Variants in PDE4D observed in about 807,000 individuals in gnomAD.
PDE4D encodes 3',5'-cyclic-AMP phosphodiesterase 4D.
Under a neutral mutation model 87.4 loss-of-function variants are expected in PDE4D, and 24 were observed. That is an observed-to-expected ratio of 0.27 (90% confidence interval 0.20 to 0.39). The LOEUF (loss-of-function observed/expected upper bound fraction) is 0.39. PDE4D is among the 10% of genes least tolerant of loss of function. The pLI is 1.00. For synonymous variants in PDE4D, 384 were observed against 383.2 expected (o/e 1.00, Z -0.02); for missense variants, 714 against 1,041.0 (o/e 0.69, Z 4.32).
intron 5 of PDE4D, among the ~76,000 whole-genome samples, chr5:59,053,358 TACATACACACAC>T (rs1336763026): frequency 9.6e-6 from 1 of 103,636 alleles, no homozygotes; most frequent in Non-Finnish European, 1.8e-5. Context: ...ATAATGGGTG[TACATACACACAC>T]ACACACACAC....
At chr5:60,356,802 G>A (rs778329839) in intron 1 of PDE4D, among the ~76,000 whole-genome samples, 1 of 152,104 alleles carries the variant, frequency 6.6e-6, no homozygotes. Flanking sequence ...TTTGATTAAC[G>A]GTATATATCA....
At chr5:59,723,447 A>G (rs57112846) in intron 1 of PDE4D, among the ~76,000 whole-genome samples, 4,621 of 152,266 alleles carry the variant, frequency 0.03, 233 homozygotes, top group African/African-American at 0.11. Flanking sequence ...TGCTCAAGAA[A>G]TACGGACTAT....
intron 1 of PDE4D, among the ~76,000 whole-genome samples, chr5:59,232,355 C>T (rs1428922678): frequency 6.6e-6 from 1 of 151,822 alleles, no homozygotes; most frequent in Non-Finnish European, 1.5e-5. Context: ...ATAATCCCAT[C>T]AAAAAGTGGA....
chr5:59,757,846 AC>A (rs1337653185), intron 1 of PDE4D, among the ~76,000 whole-genome samples: 1 of 152,022 alleles, frequency 6.6e-6, no homozygotes, highest in Admixed American at 6.6e-5. Context: ...TTCTCCATTG[AC>A]CCCTTTTCAC....
At chr5:60,041,313 T>C (rs1343034916) in intron 2 of PDE4D, among the ~76,000 whole-genome samples, 2 of 151,836 alleles carry the variant, frequency 1.3e-5, no homozygotes, top group African/African-American at 4.8e-5. Context: ...CCATTTCTCT[T>C]GAGAAAAAAA....
intron 1 of PDE4D, among the ~76,000 whole-genome samples, chr5:59,775,244 T>A (rs912164104): frequency 3.3e-5 from 5 of 152,120 alleles, no homozygotes; most frequent in African/African-American, 1.2e-4. Context: ...TATTTCTGGG[T>A]TTTATTTCAG....
At chr5:60,257,788 CAGA>C (rs1749248569) in intron 1 of PDE4D, among the ~76,000 whole-genome samples, 1 of 151,886 alleles carries the variant, frequency 6.6e-6, no homozygotes, top group Non-Finnish European at 1.5e-5. Context: ...AGGATGTCTG[CAGA>C]AGGATGCCAA....
At chr5:59,358,359 T>C (rs1781717878) in intron 1 of PDE4D, among the ~76,000 whole-genome samples, 1 of 152,116 alleles carries the variant, frequency 6.6e-6, no homozygotes, top group Admixed American at 6.5e-5. Flanking sequence ...CAACTTGCAA[T>C]ATTGTAACGC....
At chr5:59,589,862 G>C (rs964040864) in intron 1 of PDE4D, among the ~76,000 whole-genome samples, 4 of 152,138 alleles carry the variant, frequency 2.6e-5, no homozygotes, top group Non-Finnish European at 5.9e-5. Flanking sequence ...TATTTTTAAA[G>C]TGAATTTTCG....
chr5:59,046,981 T>G (rs1192515505), intron 5 of PDE4D, among the ~76,000 whole-genome samples: 1 of 152,208 alleles, frequency 6.6e-6, no homozygotes. Context: ...ATTCAGCTAC[T>G]AATCTTTCTA....
intron 1 of PDE4D, among the ~76,000 whole-genome samples, chr5:59,332,914 C>T (rs1479760134): frequency 2.0e-5 from 3 of 152,120 alleles, no homozygotes; most frequent in African/African-American, 7.2e-5. Context: ...AGGAACAGGC[C>T]AAGAAAATTG....
At chr5:60,066,295 T>A (rs1195663186) in intron 2 of PDE4D, among the ~76,000 whole-genome samples, 1 of 152,188 alleles carries the variant, frequency 6.6e-6, no homozygotes, top group Non-Finnish European at 1.5e-5. Context: ...TGTTTTTTTC[T>A]TGTAAATTTG....
intron 5 of PDE4D, among the ~76,000 whole-genome samples, chr5:59,151,625 CAG>C (rs1436027278): frequency 3.9e-5 from 6 of 152,140 alleles, no homozygotes; most frequent in African/African-American, 1.4e-4. Flanking sequence ...TGTATGGCAG[CAG>C]AGTGACACAC....
Position 59,980,567 on chromosome 5 carries a change from C to G in PDE4D, c.272+7921G>C, listed in dbSNP as rs146353401. ...ACGTGGGAGCCTGGTGAAATAGAAG[C>G]CTTTGATTTCTAAAGGTAAACCTTC... On this transcript the variant is annotated intron_variant, in intron 3 of 16. Transcript: ENST00000502484. 2.2e-3 allele frequency among the ~76,000 whole-genome samples: 340 copies of G among 152,286 alleles called. 1 individual carries two copies. The highest frequency in any genetic ancestry group is 8.0e-3 in the African/African-American group (333 of 41,560).
At chr5:59,086,373 T>C (rs1198650107) in intron 5 of PDE4D, among the ~76,000 whole-genome samples, 1 of 152,188 alleles carries the variant, frequency 6.6e-6, no homozygotes, top group Non-Finnish European at 1.5e-5. Flanking sequence ...ACCTTCTCCA[T>C]CAAATTTTTC....
intron 3 of PDE4D, among the ~76,000 whole-genome samples, chr5:59,929,664 G>A (rs1755680013): frequency 6.6e-6 from 1 of 152,168 alleles, no homozygotes. Context: ...GTGGGAATGT[G>A]TTCATCTGTG....
chr5:60,400,815 C>T (rs1458629815), intron 1 of PDE4D, among the ~76,000 whole-genome samples: 1 of 152,014 alleles, frequency 6.6e-6, no homozygotes, highest in Non-Finnish European at 1.5e-5. Flanking sequence ...ACCTGTAATC[C>T]TAGCTACTTG....
intron 1 of PDE4D, among the ~76,000 whole-genome samples, chr5:59,371,441 G>C (rs765866954): frequency 6.6e-6 from 1 of 152,136 alleles, no homozygotes; most frequent in South Asian, 2.1e-4. Flanking sequence ...CTTTTTCCCA[G>C]TATTCAAGAC....
chr5:59,312,599 C>T (rs75916136), intron 1 of PDE4D, among the ~76,000 whole-genome samples: 5,995 of 152,248 alleles, frequency 0.039, 410 homozygotes, highest in African/African-American at 0.14. Flanking sequence ...TTATTAAGCA[C>T]ACCAAACTTA....
Sources: gnomAD v4.1 joint callset for allele counts (sites outside exome capture counted in the v4.1 genomes callset) on GRCh38, gnomAD v4.1.1 for gene constraint, MANE v1.5 for transcripts, NCBI Gene and HGNC (gene_info 2026-07-23, HGNC 2026-07-21) for gene names.